SGMS1: variants seen among roughly 807,000 people sequenced by gnomAD.
SGMS1 encodes the protein sphingomyelin synthase 1.
SGMS1 carries 13 observed loss-of-function variants against 46.2 expected under a neutral mutation model. The ratio of observed to expected loss-of-function variants is 0.28; its 90% CI spans 0.18 to 0.45. The LOEUF is 0.45. SGMS1 is among the 20% of genes least tolerant of loss of function. The pLI is 1.00. For missense variants in SGMS1, 324 were observed against 519.9 expected, an observed-to-expected ratio of 0.62 and a Z score of 3.66; for synonymous variants, 203 against 187.8, an observed-to-expected ratio of 1.08 and a Z score of -0.66.
At chr10:50,333,467 T>C (rs540703262) in intron 7 of SGMS1, among the ~76,000 whole-genome samples, 1 of 152,322 alleles carries the variant, frequency 6.6e-6, no homozygotes, top group African/African-American at 2.4e-5. Context: ...CTTGCTGAGA[T>C]TGCTCCATTA....
chr10:50,560,364 ATAT>A (rs1357610378), intron 2 of SGMS1, among the ~76,000 whole-genome samples: 3 of 138,098 alleles, frequency 2.2e-5, no homozygotes, highest in African/African-American at 5.3e-5. Flanking sequence ...ATTATAATAC[ATAT>A]TATATATTAT....
intron 3 of SGMS1, among the ~76,000 whole-genome samples, chr10:50,483,780 C>T (rs1024559869): frequency 3.9e-5 from 6 of 152,130 alleles, no homozygotes; most frequent in African/African-American, 1.2e-4. Flanking sequence ...GATCAACCTG[C>T]TCCTGAATGA....
intron 7 of SGMS1, among the ~76,000 whole-genome samples, chr10:50,336,756 A>G (rs1156697922): frequency 1.3e-5 from 2 of 152,180 alleles, no homozygotes; most frequent in African/African-American, 2.4e-5. Context: ...ATGCCACTGT[A>G]GGATTCTGGG....
intron 6 of SGMS1, among the ~76,000 whole-genome samples, chr10:50,344,894 T>G (rs979885140): frequency 6.6e-6 from 1 of 151,976 alleles, no homozygotes; most frequent in Non-Finnish European, 1.5e-5. Flanking sequence ...AATAATAATT[T>G]CCAATGGTCT....
intron 2 of SGMS1, among the ~76,000 whole-genome samples, chr10:50,561,704 A>G (rs989842477): frequency 1.6e-4 from 25 of 152,220 alleles, no homozygotes; most frequent in African/African-American, 5.3e-4. Context: ...TGTTTATCCA[A>G]TTCTCAATTG....
chr10:50,312,125 T>C (rs796545983), intron 8 of SGMS1, among the ~76,000 whole-genome samples: 25 of 152,286 alleles, frequency 1.6e-4, no homozygotes, highest in African/African-American at 6.0e-4. Flanking sequence ...TTTATGCTTG[T>C]TAGTACTCTT....
At chr10:50,445,985 G>A (rs1377989327) in intron 5 of SGMS1, among the ~76,000 whole-genome samples, 2 of 152,116 alleles carry the variant, frequency 1.3e-5, no homozygotes, top group South Asian at 2.1e-4. Flanking sequence ...GTAGATAAGG[G>A]AAGAGATAAG....
chr10:50,463,869 G>A (rs1217883339), intron 4 of SGMS1, among the ~76,000 whole-genome samples: 2 of 152,152 alleles, frequency 1.3e-5, no homozygotes, highest in Admixed American at 1.3e-4. Flanking sequence ...CTTATATACT[G>A]CAACATGGAT....
chr10:50,353,837 C>T (rs932231136), intron 6 of SGMS1, among the ~76,000 whole-genome samples: 1 of 152,076 alleles, frequency 6.6e-6, no homozygotes, highest in African/African-American at 2.4e-5. Flanking sequence ...CTCCCATTCA[C>T]AATTGCTTCA....
At chr10:50,592,646 A>C (rs1472487277) in intron 1 of SGMS1, among the ~76,000 whole-genome samples, 1 of 152,080 alleles carries the variant, frequency 6.6e-6, no homozygotes, top group East Asian at 1.9e-4. Context: ...TCCTTTCCTC[A>C]TGGCCTTTCC....
intron 2 of SGMS1, among the ~76,000 whole-genome samples, chr10:50,555,348 C>G (rs746693948): frequency 6.6e-6 from 1 of 152,176 alleles, no homozygotes; most frequent in African/African-American, 2.4e-5. Flanking sequence ...CAAAATACAT[C>G]TGGATTGGAG....
At chr10:50,497,951 T>C (rs1233180823) in intron 3 of SGMS1, among the ~76,000 whole-genome samples, 1 of 152,218 alleles carries the variant, frequency 6.6e-6, no homozygotes, top group African/African-American at 2.4e-5. Flanking sequence ...CCCTAAGTTA[T>C]TTTTATATTT....
At chr10:50,485,962 A>G (rs1293489483) in intron 3 of SGMS1, among the ~76,000 whole-genome samples, 1 of 152,148 alleles carries the variant, frequency 6.6e-6, no homozygotes, top group Non-Finnish European at 1.5e-5. Context: ...TTCAAACTCA[A>G]AAACAGGCAC....
chr10:50,520,728 G>GA (rs1238681832), intron 2 of SGMS1, among the ~76,000 whole-genome samples: 4 of 152,232 alleles, frequency 2.6e-5, no homozygotes, highest in African/African-American at 9.6e-5. Context: ...GAGATAGAAT[G>GA]GCTTTGCATG....
intron 6 of SGMS1, among the ~76,000 whole-genome samples, chr10:50,347,440 A>T (rs1167773458): frequency 6.6e-6 from 1 of 152,220 alleles, no homozygotes; most frequent in African/African-American, 2.4e-5. Context: ...CACCGTAAAG[A>T]ATTTCAATTG....
chr10:50,454,167 G>A (rs781063959), intron 5 of SGMS1, among the ~76,000 whole-genome samples: 3 of 151,986 alleles, frequency 2.0e-5, no homozygotes, highest in Non-Finnish European at 4.4e-5. Context: ...AGTTTGCACT[G>A]GGTAAAAGCA....
intron 2 of SGMS1, among the ~76,000 whole-genome samples, chr10:50,551,808 C>A (rs907458333): frequency 6.6e-6 from 1 of 152,134 alleles, no homozygotes; most frequent in African/African-American, 2.4e-5. Flanking sequence ...TCTGCCATCC[C>A]CCTGTTCATT....
intron 6 of SGMS1, among the ~76,000 whole-genome samples, chr10:50,359,610 A>C (rs1317568619): frequency 6.6e-6 from 1 of 152,032 alleles, no homozygotes; most frequent in Non-Finnish European, 1.5e-5. Context: ...CAAGCCTCCA[A>C]TTGAGTCATT....
intron 6 of SGMS1, among the ~76,000 whole-genome samples, chr10:50,430,689 C>T (rs1849394728): frequency 6.6e-6 from 1 of 152,164 alleles, no homozygotes; most frequent in Non-Finnish European, 1.5e-5. Context: ...TAGCCCACTC[C>T]TCTTGCCACC....
Sources: allele counts gnomAD v4.1 joint callset (sites outside exome capture counted in the v4.1 genomes callset), GRCh38; gene constraint gnomAD v4.1.1; transcripts MANE v1.5; gene names NCBI Gene and HGNC (gene_info 2026-07-23, HGNC 2026-07-21).